The following FSTL1 variants were observed in gnomAD, a reference collection of about 807,000 sequenced individuals.
FSTL1 encodes follistatin like 1, also known as follistatin-related protein 1.
FSTL1 carries 24 observed loss-of-function variants against 45.9 expected under a neutral mutation model. The observed-to-expected ratio is 0.52, with a 90% CI of 0.38 to 0.74. The LOEUF (loss-of-function observed/expected upper bound fraction) is 0.74, where lower values mean the gene tolerates loss of function less well. Ranked by LOEUF, FSTL1 falls within the 30% of genes least tolerant of loss-of-function variation. The pLI is 0.00. For missense variants in FSTL1, 340 were observed against 381.8 expected, an observed-to-expected ratio of 0.89 and a Z score of 0.91; for synonymous variants, 120 against 137.6, an observed-to-expected ratio of 0.87 and a Z score of 0.89.
chr3:120,403,462 G>A, intron 7 of FSTL1, 108 bp from the exon 8 acceptor site: 1 of 664,410 alleles, frequency 1.5e-6, no homozygotes, highest in South Asian at 1.8e-5. Flanking sequence ...AGGAGGCCAA[G>A]AAGATGACTG....
intron 2 of FSTL1, among the ~76,000 whole-genome samples, chr3:120,426,012 G>A (rs1193043376): frequency 6.6e-6 from 1 of 152,178 alleles, no homozygotes; most frequent in Non-Finnish European, 1.5e-5. Context: ...AAGGCTAAAG[G>A]AAATTCACAT....
chr3:120,440,624 A>G (rs1309258520), intron 2 of FSTL1, among the ~76,000 whole-genome samples: 3 of 152,244 alleles, frequency 2.0e-5, no homozygotes, highest in Non-Finnish European at 4.4e-5. Context: ...CACCAGCACT[A>G]ACTCAGTGCC....
At chr3:120,416,395 T>C (rs958352206) in intron 2 of FSTL1, among the ~76,000 whole-genome samples, 4 of 152,202 alleles carry the variant, frequency 2.6e-5, no homozygotes, top group Non-Finnish European at 4.4e-5. Context: ...GGAAGCTCCA[T>C]GACTCTCAGA....
At chr3:120,448,231 T>A (rs1016045324) in intron 2 of FSTL1, among the ~76,000 whole-genome samples, 1 of 152,236 alleles carries the variant, frequency 6.6e-6, no homozygotes, top group Non-Finnish European at 1.5e-5. Flanking sequence ...TTCAACAATA[T>A]TTGTACAATT....
chr3:120,413,926 C>A (rs1318146645), intron 3 of FSTL1, among the ~76,000 whole-genome samples: 1 of 151,870 alleles, frequency 6.6e-6, no homozygotes, highest in Non-Finnish European at 1.5e-5. Flanking sequence ...CCAGTGCCTG[C>A]GATTGCAGGC....
intron 9 of FSTL1, among the ~76,000 whole-genome samples, chr3:120,402,233 C>A (rs1936840923): frequency 6.6e-6 from 1 of 152,088 alleles, no homozygotes; most frequent in African/African-American, 2.4e-5. Context: ...GGTCTACAAA[C>A]ATATTTTCTT....
chr3:120,412,838 G>GCGCACACACACACACA lies in FSTL1; in HGVS notation c.169-856_169-855insTGTGTGTGTGTGTGCG, dbSNP rs1429168694. 4.7e-5 allele frequency among the ~76,000 whole-genome samples: 5 copies of GCGCACACACACACACA among 106,186 alleles called. No homozygotes were observed. In the East Asian group the frequency reaches 9.1e-4, roughly 19 times the overall value. The allele number at this position is 106,186 out of a possible 152,430, so 69.7% of individuals were successfully genotyped here. ...CACATGTGCGCGCGCGCGCGCGCGC[G>GCGCACACACACACACA]CACACACACACACACACACACACAC... is the stretch of plus-strand genomic sequence containing the variant. On this transcript the variant is annotated intron_variant, in intron 3 of 10. Coordinates refer to ENST00000295633, the MANE Select transcript of FSTL1 (RefSeq NM_007085.5).
intron 9 of FSTL1, 113 bp from the exon 10 acceptor site, chr3:120,400,072 G>A: frequency 1.4e-6 from 1 of 737,700 alleles, no homozygotes; most frequent in Admixed American, 2.1e-5. Flanking sequence ...TGTGGAAGGA[G>A]AGGTGAATTA....
At chr3:120,423,224 G>C (rs1453359959) in intron 2 of FSTL1, 1 of 151,876 alleles carries the variant, frequency 6.6e-6, no homozygotes, top group South Asian at 2.1e-4. Flanking sequence ...ATCTAGGTTG[G>C]CTCAGGCCAC....
intron 2 of FSTL1, chr3:120,419,524 A>C (rs1937242812): frequency 6.6e-6 from 1 of 152,224 alleles, no homozygotes; most frequent in African/African-American, 2.4e-5. Flanking sequence ...GAGGGGTTGA[A>C]CATGCTCATG....
At chr3:120,408,467 T>G (rs1232981428) in intron 6 of FSTL1, among the ~76,000 whole-genome samples, 2 of 152,228 alleles carry the variant, frequency 1.3e-5, no homozygotes, top group African/African-American at 4.8e-5. Context: ...ATCTGCGGGT[T>G]CTATAGTGTC....
chr3:120,414,350 G>T (rs1244242887), intron 3 of FSTL1, among the ~76,000 whole-genome samples: 1 of 131,984 alleles, frequency 7.6e-6, no homozygotes, highest in Non-Finnish European at 1.7e-5. Flanking sequence ...ACCTCTTCCC[G>T]GCCGCCATCA....
At chr3:120,441,393 T>C (rs1383484420) in intron 2 of FSTL1, 3 of 152,254 alleles carry the variant, frequency 2.0e-5, no homozygotes, top group African/African-American at 7.2e-5. Context: ...CCATGAGTAC[T>C]TCAATCTCTT....
chr3:120,447,361 C>T (rs769438765), intron 2 of FSTL1, among the ~76,000 whole-genome samples: 1 of 152,200 alleles, frequency 6.6e-6, no homozygotes, highest in Non-Finnish European at 1.5e-5. Flanking sequence ...CCCTCTGCTG[C>T]TGCCCTCTCT....
At chr3:120,414,653 T>A (rs1310822482) in intron 3 of FSTL1, among the ~76,000 whole-genome samples, 2 of 151,958 alleles carry the variant, frequency 1.3e-5, no homozygotes, top group African/African-American at 4.8e-5. Context: ...CTAAGAAAAC[T>A]TCTTCTGCCT....
At chr3:120,450,523 T>C (rs113217607) in intron 2 of FSTL1, among the ~76,000 whole-genome samples, 161 bp downstream of exon 2, 75 of 152,264 alleles carry the variant, frequency 4.9e-4, no homozygotes, top group African/African-American at 1.7e-3. Context: ...TTAAGTTTCG[T>C]AAGCAGCATT....
At position 120,411,360 on chromosome 3, in the gene FSTL1, G is replaced by A. The variant is rs564718518; in HGVS notation, c.299-376C>T. 6.4e-4 allele frequency: 139 copies of A among 217,156 alleles called. 2 individuals are homozygous for A. In the South Asian group the frequency reaches 0.011, roughly 17 times the overall value. 13.5% of individuals were successfully genotyped at this position (217,156 alleles called of 1,614,324 possible). Reference sequence around the variant, plus strand: ...GAAGGGCAAGGCTGAGAGGGGCTGGGCAGGGCTATGGCTTGGCAGGGGGCT... The same window carrying A: ...GAAGGGCAAGGCTGAGAGGGGCTGGACAGGGCTATGGCTTGGCAGGGGGCT... On this transcript the variant is annotated intron_variant, in intron 4 of 10. Transcript: ENST00000295633.
At chr3:120,400,041 C>T (rs933832381) in intron 9 of FSTL1, 82 bp from the exon 10 acceptor site, 1 of 869,276 alleles carries the variant, frequency 1.2e-6, no homozygotes. Context: ...TAGAGGCTCT[C>T]AATTCATCTC....
chr3:120,401,366 A>G (rs997946860), intron 9 of FSTL1, among the ~76,000 whole-genome samples: 1 of 152,096 alleles, frequency 6.6e-6, no homozygotes, highest in African/African-American at 2.4e-5. Context: ...GTCGTTCCAC[A>G]CTGAAAACAG....
Sources: gnomAD v4.1 joint callset for allele counts (sites outside exome capture counted in the v4.1 genomes callset) on GRCh38, gnomAD v4.1.1 for gene constraint, MANE v1.5 for transcripts, NCBI Gene and HGNC (gene_info 2026-07-23, HGNC 2026-07-21) for gene names.